Variants in CADM2 observed in about 807,000 individuals in gnomAD.
CADM2 encodes immunoglobulin superfamily member 4D.
CADM2 carries 12 observed loss-of-function variants against 49.8 expected under a neutral mutation model. That is an observed-to-expected ratio of 0.24 (90% CI 0.15 to 0.39). CADM2 has a LOEUF of 0.39. CADM2 is among the 10% of genes least tolerant of loss of function. The probability of loss-of-function intolerance (pLI) is 1.00; values close to 1 mark genes in which losing one functional copy is unlikely to be tolerated. For synonymous variants in CADM2, 214 were observed against 175.4 expected (o/e 1.22, Z -1.74); for missense variants, 378 against 492.3 (o/e 0.77, Z 2.20).
chr3:85,706,905 G>A (rs2066967614), intron 1 of CADM2, among the ~76,000 whole-genome samples: 1 of 152,164 alleles, frequency 6.6e-6, no homozygotes, highest in Middle Eastern at 3.4e-3. Context: ...TTTTAGAATG[G>A]TACAAATATA....
intron 7 of CADM2, among the ~76,000 whole-genome samples, chr3:85,959,085 T>C (rs1029111018): frequency 4.0e-5 from 6 of 151,112 alleles, no homozygotes; most frequent in Non-Finnish European, 7.4e-5. Context: ...TATAGCTATA[T>C]CTATATCTTT....
intron 3 of CADM2, among the ~76,000 whole-genome samples, chr3:85,826,712 A>G (rs1448612): frequency 0.14 from 21,914 of 151,946 alleles, 2,005 homozygotes; most frequent in Non-Finnish European, 0.2. Flanking sequence ...TGGTTCATTG[A>G]TTACTCAGAT....
intron 1 of CADM2, among the ~76,000 whole-genome samples, chr3:85,337,827 A>G (rs2045130771): frequency 6.6e-6 from 1 of 151,486 alleles, no homozygotes; most frequent in Non-Finnish European, 1.5e-5. Context: ...TTTTCCTCCT[A>G]TCAAGATTTC....
chr3:85,425,615 T>A (rs2036364613), intron 1 of CADM2, among the ~76,000 whole-genome samples: 1 of 152,218 alleles, frequency 6.6e-6, no homozygotes, highest in Non-Finnish European at 1.5e-5. Flanking sequence ...TATCTATCTA[T>A]AATTTTATAT....
intron 1 of CADM2, among the ~76,000 whole-genome samples, chr3:85,299,208 G>C (rs773868451): frequency 1.3e-5 from 2 of 151,828 alleles, no homozygotes; most frequent in Non-Finnish European, 2.9e-5. Context: ...ATTTACAAAC[G>C]AATAACTATT....
chr3:84,984,681 A>T (rs1169891579), intron 1 of CADM2, among the ~76,000 whole-genome samples: 1 of 152,154 alleles, frequency 6.6e-6, no homozygotes, highest in Non-Finnish European at 1.5e-5. Context: ...TACTAATTAA[A>T]GAACAAACTA....
At chr3:85,464,888 C>T (rs1323177890) in intron 1 of CADM2, among the ~76,000 whole-genome samples, 2 of 152,184 alleles carry the variant, frequency 1.3e-5, no homozygotes, top group South Asian at 2.1e-4. Flanking sequence ...CAGTGGCTCA[C>T]GCCGTAATCT....
chr3:85,636,410 T>G (rs1319083833), intron 1 of CADM2, among the ~76,000 whole-genome samples: 2 of 152,132 alleles, frequency 1.3e-5, no homozygotes, highest in Admixed American at 1.3e-4. Context: ...AAGAAAATAG[T>G]TTGTACAGTT....
intron 1 of CADM2, among the ~76,000 whole-genome samples, chr3:85,164,011 T>G: frequency 6.6e-6 from 1 of 152,044 alleles, no homozygotes; most frequent in East Asian, 1.9e-4. Flanking sequence ...ATGTCCAGAA[T>G]AGAAATGACT....
At chr3:85,624,227 A>T (rs950223093) in intron 1 of CADM2, among the ~76,000 whole-genome samples, 1 of 152,178 alleles carries the variant, frequency 6.6e-6, no homozygotes, top group Non-Finnish European at 1.5e-5. Flanking sequence ...AGTTATTTTT[A>T]AAAATTCAGA....
At chr3:85,069,799 A>G (rs1482533998) in intron 1 of CADM2, among the ~76,000 whole-genome samples, 2 of 152,192 alleles carry the variant, frequency 1.3e-5, no homozygotes, top group Non-Finnish European at 2.9e-5. Context: ...TCTAGACGTC[A>G]TACAAATATT....
intron 1 of CADM2, among the ~76,000 whole-genome samples, chr3:85,120,501 A>G (rs1193220488): frequency 6.6e-6 from 1 of 152,220 alleles, no homozygotes; most frequent in East Asian, 1.9e-4. Context: ...CAGCCATAAA[A>G]AAAGAATGAG....
intron 8 of CADM2, among the ~76,000 whole-genome samples, chr3:85,981,157 T>G (rs1727432506): frequency 6.6e-6 from 1 of 151,458 alleles, no homozygotes; most frequent in Admixed American, 6.6e-5. Context: ...GGACTATATA[T>G]ATGTATATAT....
At position 85,459,492 on chromosome 3, in the gene CADM2, A is replaced by G. The variant is rs116453821; in HGVS notation, c.62-267030A>G. Among the ~76,000 whole-genome samples, 1,378 of 152,316 alleles carry G rather than the reference A, an allele frequency of 9.0e-3. 19 individuals carry two copies. Among genetic ancestry groups the G allele is most frequent in the African/African-American group, 0.03 (1,249 of 41,572 alleles). ...AAAGAAAGGGGACTACGCTGTGTCA[A>G]ACAGCTACTGATAAATGGTGTGTAG... On this transcript the variant is annotated intron_variant, in intron 1 of 9. Transcript: ENST00000383699.
chr3:85,980,126 G>A (rs1019824292), intron 8 of CADM2, among the ~76,000 whole-genome samples: 2 of 151,276 alleles, frequency 1.3e-5, no homozygotes, highest in Admixed American at 6.6e-5. Flanking sequence ...AGAATTTGTC[G>A]TATTTAAGTC....
chr3:85,054,237 G>A (rs956916359), intron 1 of CADM2, among the ~76,000 whole-genome samples: 6 of 151,880 alleles, frequency 4.0e-5, no homozygotes, highest in African/African-American at 1.4e-4. Flanking sequence ...GATGAGAGGA[G>A]ATGGTATTTA....
rs529148246 is a variant in CADM2 at position 85,543,604 on chromosome 3, C to A, written c.62-182918C>A. Among the ~76,000 whole-genome samples the A allele has an allele frequency of 4.6e-5, 7 of 152,142 alleles. No homozygotes were observed. In the East Asian group the frequency reaches 1.4e-3, roughly 30 times the overall value. On this transcript the variant is annotated intron_variant, in intron 1 of 9. Coordinates refer to ENST00000383699, the MANE Select transcript of CADM2 (RefSeq NM_001167675.2). ...TGGCCAAGTTCTAGAACTCTTTATCCATTTTGTGCTGCTATAGCAAAATAC... is the reference window on the plus strand; with the variant it reads ...TGGCCAAGTTCTAGAACTCTTTATCAATTTTGTGCTGCTATAGCAAAATAC...
intron 1 of CADM2, among the ~76,000 whole-genome samples, chr3:85,211,968 T>C (rs1253826946): frequency 6.6e-6 from 1 of 152,152 alleles, no homozygotes; most frequent in African/African-American, 2.4e-5. Flanking sequence ...CAGTGTTGGG[T>C]GCATATATAT....
intron 2 of CADM2, among the ~76,000 whole-genome samples, chr3:85,770,333 G>A (rs151074794): frequency 3.9e-5 from 6 of 151,970 alleles, no homozygotes; most frequent in African/African-American, 1.4e-4. Context: ...TTTGAGATAG[G>A]GCCTCGCTCT....
Sources: allele counts gnomAD v4.1 joint callset (sites outside exome capture counted in the v4.1 genomes callset), GRCh38; gene constraint gnomAD v4.1.1; transcripts MANE v1.5; gene names NCBI Gene and HGNC (gene_info 2026-07-23, HGNC 2026-07-21).